The following ANO4 variants were observed in gnomAD, a reference collection of about 807,000 sequenced individuals.
ANO4 encodes anoctamin-4.
A neutral mutation model predicts 141.9 loss-of-function variants in ANO4; 69 were observed. That is an observed-to-expected ratio of 0.49 (90% CI 0.40 to 0.59). The LOEUF is 0.59. Ranked by LOEUF, ANO4 falls within the 20% of genes least tolerant of loss-of-function variation. ANO4 has a pLI of 0.00. For missense variants in ANO4, 894 were observed against 1,162.2 expected (o/e 0.77, Z 3.36); for synonymous variants, 350 against 394.3 (o/e 0.89, Z 1.33).
chr12:101,031,590 G>C (rs1394852443), intron 9 of ANO4, among the ~76,000 whole-genome samples: 1 of 152,122 alleles, frequency 6.6e-6, no homozygotes, highest in East Asian at 1.9e-4. Flanking sequence ...AGGACAATCA[G>C]GCAAGAGAAA....
chr12:100,993,712 A>C (rs974273890), intron 8 of ANO4, among the ~76,000 whole-genome samples: 2 of 152,156 alleles, frequency 1.3e-5, no homozygotes, highest in East Asian at 3.8e-4. Flanking sequence ...ATTTTTTAGG[A>C]AATTTTTATG....
intron 22 of ANO4, among the ~76,000 whole-genome samples, chr12:101,105,302 A>G (rs1593282592): frequency 6.6e-6 from 1 of 152,244 alleles, no homozygotes; most frequent in Non-Finnish European, 1.5e-5. Flanking sequence ...TTTATGGTAG[A>G]AAAGAACATC....
chr12:100,984,341 G>T (rs2136321363), intron 7 of ANO4, among the ~76,000 whole-genome samples: 1 of 152,280 alleles, frequency 6.6e-6, no homozygotes, highest in Non-Finnish European at 1.5e-5. Context: ...AGCACTTTGG[G>T]AGGCCAAGGC....
intron 1 of ANO4, among the ~76,000 whole-genome samples, chr12:100,857,782 G>A (rs983876921): frequency 1.3e-5 from 2 of 152,102 alleles, no homozygotes; most frequent in Admixed American, 6.6e-5. Context: ...ATTTGTAATA[G>A]AACTACAGCC....
chr12:100,749,921 C>T (rs562388400), intron 3 of ANO4, among the ~76,000 whole-genome samples: 21 of 152,108 alleles, frequency 1.4e-4, no homozygotes, highest in African/African-American at 3.4e-4. Flanking sequence ...AATAGCACTT[C>T]GTAATTAATG....
chr12:100,829,827 G>T (rs1337088022), intron 1 of ANO4, among the ~76,000 whole-genome samples: 1 of 152,068 alleles, frequency 6.6e-6, no homozygotes, highest in African/African-American at 2.4e-5. Context: ...TCTTTGTGAA[G>T]TGGGTGCCAT....
chr12:100,762,349 A>G (rs979363165), intron 3 of ANO4, among the ~76,000 whole-genome samples: 4 of 152,130 alleles, frequency 2.6e-5, no homozygotes, highest in African/African-American at 9.7e-5. Context: ...CTTTCCATCC[A>G]GGCCCCAGAA....
intron 1 of ANO4, among the ~76,000 whole-genome samples, chr12:100,887,855 G>A (rs1433170979): frequency 6.6e-6 from 1 of 152,132 alleles, no homozygotes; most frequent in African/African-American, 2.4e-5. Context: ...AGAATTTCCT[G>A]TTGTGATGAT....
intron 7 of ANO4, among the ~76,000 whole-genome samples, chr12:100,982,302 C>A (rs764921237): frequency 6.6e-6 from 1 of 152,196 alleles, no homozygotes; most frequent in Non-Finnish European, 1.5e-5. Context: ...TTTCTCTTTT[C>A]TATTCCCTAT....
chr12:101,086,351 A>G (rs1310053869), intron 16 of ANO4, among the ~76,000 whole-genome samples: 1 of 152,140 alleles, frequency 6.6e-6, no homozygotes, highest in Non-Finnish European at 1.5e-5. Context: ...GAAGAGTGAC[A>G]TGATAGGATT....
In ANO4 at chr12:100,875,358, C is replaced by T. The variant is rs935625254; in HGVS notation, c.-140-26288C>T. Among the ~76,000 whole-genome samples the T allele has an allele frequency of 1.1e-4, 17 of 152,118 alleles. No homozygotes were observed. In the South Asian group the frequency reaches 1.4e-3, roughly 13 times the overall value. The stretch of plus-strand genomic sequence containing the variant: ...TGAAGAGAAAGGGTAGGTGATTTCA[C>T]GCAGGAATGTTCTATGAGCCAGGGC... On this transcript the variant is annotated intron_variant, in intron 1 of 27. Coordinates refer to ENST00000392977, the MANE Select transcript of ANO4 (RefSeq NM_001286615.2).
At chr12:100,944,086 C>T (rs1157654073) in intron 5 of ANO4, among the ~76,000 whole-genome samples, 3 of 152,172 alleles carry the variant, frequency 2.0e-5, no homozygotes, top group African/African-American at 7.2e-5. Context: ...TCTCTACAGG[C>T]CTAGGGCTTC....
intron 10 of ANO4, among the ~76,000 whole-genome samples, chr12:101,037,860 G>T (rs1399125144): frequency 6.6e-6 from 1 of 152,180 alleles, no homozygotes; most frequent in Non-Finnish European, 1.5e-5. Context: ...AAATGTCATA[G>T]CCTCTGTCCT....
intron 3 of ANO4, among the ~76,000 whole-genome samples, chr12:100,929,050 A>G (rs2041987277): frequency 6.6e-6 from 1 of 152,098 alleles, no homozygotes; most frequent in East Asian, 1.9e-4. Context: ...ACAGGCATAC[A>G]ATGTTTAGTA....
At chr12:101,091,239 C>T (rs1368261566) in intron 17 of ANO4, among the ~76,000 whole-genome samples, 1 of 152,092 alleles carries the variant, frequency 6.6e-6, no homozygotes, top group Non-Finnish European at 1.5e-5. Flanking sequence ...CAGGGAATGA[C>T]AAGCCATAGC....
intron 5 of ANO4, among the ~76,000 whole-genome samples, chr12:100,951,586 G>A (rs2042971244): frequency 6.6e-6 from 1 of 152,198 alleles, no homozygotes; most frequent in Admixed American, 6.5e-5. Context: ...TGCAGGAACA[G>A]AAAACCAAAT....
At chr12:101,080,881 T>TAAA (rs1566219449) in intron 15 of ANO4, among the ~76,000 whole-genome samples, 1 of 89,084 alleles carries the variant, frequency 1.1e-5, no homozygotes, top group Non-Finnish European at 2.2e-5. Flanking sequence ...TATATATATA[T>TAAA]ATTATATATA....
intron 26 of ANO4, among the ~76,000 whole-genome samples, chr12:101,125,098 A>G (rs4764781): frequency 0.19 from 28,275 of 152,204 alleles, 2,747 homozygotes; most frequent in Admixed American, 0.26. Context: ...CTTTCTATCC[A>G]TGAGCATGGA....
At chr12:100,844,701 T>C (rs940795898) in intron 1 of ANO4, among the ~76,000 whole-genome samples, 6 of 151,688 alleles carry the variant, frequency 4.0e-5, no homozygotes, top group African/African-American at 1.2e-4. Context: ...AGGATAGATA[T>C]AGAGAGTGAG....
Sources: allele counts gnomAD v4.1 joint callset (sites outside exome capture counted in the v4.1 genomes callset), GRCh38; gene constraint gnomAD v4.1.1; transcripts MANE v1.5; gene names NCBI Gene and HGNC (gene_info 2026-07-23, HGNC 2026-07-21).